Variants in HTR4 observed in about 807,000 individuals in gnomAD.
HTR4 encodes the protein 5-hydroxytryptamine (serotonin) receptor 4, G protein-coupled.
HTR4 carries 16 observed loss-of-function variants against 36.8 expected under a neutral mutation model. The observed-to-expected ratio is 0.43, with a 90% CI of 0.29 to 0.66. The LOEUF is 0.66. Among genes scored for constraint, HTR4 ranks in the 30% least tolerant of loss-of-function variants. HTR4 has a pLI of 0.13. For synonymous variants in HTR4, 189 were observed against 185.1 expected (o/e 1.02, Z -0.17); for missense variants, 438 against 490.9 (o/e 0.89, Z 1.02).
At chr5:148,615,599 G>A (rs1038683302) in intron 2 of HTR4, among the ~76,000 whole-genome samples, 1 of 151,072 alleles carries the variant, frequency 6.6e-6, no homozygotes, top group Non-Finnish European at 1.5e-5. Flanking sequence ...GTTAGTGGGT[G>A]TAGCACACCA....
chr5:148,538,630 C>T (rs1000357725), intron 4 of HTR4, among the ~76,000 whole-genome samples: 12 of 151,888 alleles, frequency 7.9e-5, no homozygotes, highest in East Asian at 3.9e-4. Context: ...TCACAACTGC[C>T]GCAAAAAGAA....
chr5:148,600,997 A>C (rs995307804), intron 2 of HTR4, among the ~76,000 whole-genome samples: 14 of 148,878 alleles, frequency 9.4e-5, no homozygotes, highest in East Asian at 7.8e-4. Flanking sequence ...AAAAAAAAAA[A>C]AAAAAACAAA....
chr5:148,458,421 C>G (rs1755178904), intron 5 of HTR4, among the ~76,000 whole-genome samples: 1 of 151,954 alleles, frequency 6.6e-6, no homozygotes, highest in Admixed American at 6.6e-5. Context: ...AGAGTGGAGA[C>G]ACAGTCCCTG....
chr5:148,454,972 G>A (rs964588952), intron 5 of HTR4, among the ~76,000 whole-genome samples: 13 of 152,184 alleles, frequency 8.5e-5, no homozygotes, highest in Admixed American at 7.2e-4. Flanking sequence ...TATCTGAGGT[G>A]CAGGGATATC....
rs75268193 is a variant in HTR4, at chr5:148,454,813, C to T, written c.1077-3541G>A. 0.012 allele frequency among the ~76,000 whole-genome samples: 1,756 copies of T among 152,154 alleles called. 109 individuals carry two copies. In the East Asian group the frequency reaches 0.17, roughly 14 times the overall value. On this transcript the variant is annotated intron_variant, in intron 5 of 5. Coordinates refer to the HTR4 transcript ENST00000521530. ...TGAGTGAGTCTCCTGAGTGTCATGA[C>T]GGGTGAGCGCAGGCCTGGCCAGGAC...
At chr5:148,526,962 C>A (rs756299601) in intron 4 of HTR4, among the ~76,000 whole-genome samples, 1 of 152,034 alleles carries the variant, frequency 6.6e-6, no homozygotes, top group Admixed American at 6.6e-5. Flanking sequence ...AGTGTTTGGG[C>A]AGCACAAGTG....
chr5:148,518,584 CAT>C (rs1757868522), intron 5 of HTR4, among the ~76,000 whole-genome samples: 1 of 152,132 alleles, frequency 6.6e-6, no homozygotes, highest in South Asian at 2.1e-4. Context: ...TCTTTTAAAA[CAT>C]AGGGCAAATA....
intron 2 of HTR4, among the ~76,000 whole-genome samples, chr5:148,605,419 C>T (rs987321297): frequency 1.3e-4 from 20 of 151,530 alleles, no homozygotes; most frequent in African/African-American, 4.4e-4. Context: ...CCACCACACC[C>T]GGCTAATTTT....
rs374149797 is a variant in HTR4 at position 148,567,609 on chromosome 5, GCA to G, written c.27-17349_27-17348del. On this transcript the variant is annotated intron_variant, in intron 2 of 6. Transcript: ENST00000377888. ...AGTTCTTCTCCTCCCTCTGCTCCAG[GCA>G]CAAACACCTCCTCTGTATTTCTCCA... is the stretch of plus-strand genomic sequence containing the variant. Among the ~76,000 whole-genome samples, 340 of 151,970 alleles carry G rather than the reference GCA, an allele frequency of 2.2e-3. 2 individuals are homozygous for G. Among genetic ancestry groups the G allele is most frequent in the African/African-American group, 8.0e-3 (330 of 41,458 alleles).
intron 2 of HTR4, among the ~76,000 whole-genome samples, chr5:148,580,570 C>T (rs1207743195): frequency 3.3e-5 from 5 of 152,078 alleles, no homozygotes; most frequent in African/African-American, 1.2e-4. Context: ...TTATTATCTA[C>T]TTCTATACCT....
chr5:148,616,549 T>G (rs1752696860), intron 2 of HTR4, among the ~76,000 whole-genome samples: 1 of 152,222 alleles, frequency 6.6e-6, no homozygotes, highest in African/African-American at 2.4e-5. Flanking sequence ...GTTGCTGTGA[T>G]AATATAATAT....
At chr5:148,589,608 G>A (rs1304723896) in intron 2 of HTR4, among the ~76,000 whole-genome samples, 2 of 151,962 alleles carry the variant, frequency 1.3e-5, no homozygotes, top group African/African-American at 4.8e-5. Context: ...TACTTTATCT[G>A]TTACATGGTT....
chr5:148,522,627 C>T (rs1481341357), intron 5 of HTR4, among the ~76,000 whole-genome samples: 4 of 152,160 alleles, frequency 2.6e-5, no homozygotes, highest in Non-Finnish European at 5.9e-5. Context: ...GGACTATCAA[C>T]ATAGGTTATA....
In HTR4 at chr5:148,482,816, G is replaced by A. The variant is rs1755950981; in HGVS notation, c.*387C>T. 4 of 1,061,164 alleles carry A rather than the reference G, an allele frequency of 3.8e-6. No individual in the cohort carries two copies. The highest frequency in any genetic ancestry group is 4.6e-6 in the Non-Finnish European group (4 of 873,514). 65.7% of individuals were successfully genotyped at this position (1,061,164 alleles called of 1,614,324 possible). On this transcript the variant is annotated 3_prime_UTR_variant, in exon 7 of 7. Coordinates refer to ENST00000377888, the MANE Select transcript of HTR4 (RefSeq NM_000870.7). ...TTGTTGATATCTGGAAGCCCACACA[G>A]CAAAGAAGGCGTATTTGGAGACATC...
At chr5:148,571,240 G>C (rs912562942) in intron 2 of HTR4, among the ~76,000 whole-genome samples, 1 of 152,032 alleles carries the variant, frequency 6.6e-6, no homozygotes, top group Non-Finnish European at 1.5e-5. Context: ...CTGAATAAAG[G>C]GAAGGGTATG....
chr5:148,654,463 G>A lies in HTR4; in HGVS notation c.-449C>T. On this transcript the variant is annotated 5_prime_UTR_variant, in exon 1 of 7. Coordinates refer to ENST00000377888, the MANE Select transcript of HTR4 (RefSeq NM_000870.7). ...AGGGGAGTGGGCACAGAGGCGGGCT[G>A]GAGCGATCTCACCCGTTCCGGGCTG... is the stretch of plus-strand genomic sequence containing the variant. 1.0e-6 allele frequency: 1 copy of A among 985,582 alleles called. No individual in the cohort carries two copies. Among genetic ancestry groups the A allele is most frequent in the South Asian group, 4.7e-5 (1 of 21,296 alleles). 61.1% of individuals were successfully genotyped at this position (985,582 alleles called of 1,614,324 possible).
intron 2 of HTR4, among the ~76,000 whole-genome samples, chr5:148,624,012 G>A (rs1478942074): frequency 1.3e-5 from 2 of 152,114 alleles, no homozygotes; most frequent in Non-Finnish European, 2.9e-5. Flanking sequence ...TCTTAGAGTG[G>A]GCTATTTGTA....
At chr5:148,568,104 C>CA (rs1760523342) in intron 2 of HTR4, among the ~76,000 whole-genome samples, 1 of 152,144 alleles carries the variant, frequency 6.6e-6, no homozygotes, top group South Asian at 2.1e-4. Flanking sequence ...TCTTCTACTG[C>CA]AAATGAAATA....
At chr5:148,464,639 G>A (rs1186298542) in intron 5 of HTR4, among the ~76,000 whole-genome samples, 1 of 152,132 alleles carries the variant, frequency 6.6e-6, no homozygotes, top group Non-Finnish European at 1.5e-5. Context: ...TGGTTGGAAT[G>A]CAAAATGGTT....
Sources: gnomAD v4.1 joint callset for allele counts (sites outside exome capture counted in the v4.1 genomes callset) on GRCh38, gnomAD v4.1.1 for gene constraint, MANE v1.5 for transcripts, NCBI Gene and HGNC (gene_info 2026-07-23, HGNC 2026-07-21) for gene names.